The following SPMAP2L variants were observed in gnomAD, a reference collection of about 807,000 sequenced individuals.
SPMAP2L encodes the protein sperm microtubule associated protein 2 like.
At chr4:56,545,775 A>G in the SPMAP2L span, among the ~76,000 whole-genome samples, 2 of 151,518 alleles carry the variant, frequency 1.3e-5, no homozygotes, top group Admixed American at 1.3e-4. Flanking sequence ...TTCCTTAACA[A>G]TTACTTAAAC....
chr4:56,596,811 A>C, the SPMAP2L span, among the ~76,000 whole-genome samples: 5 of 151,986 alleles, frequency 3.3e-5, no homozygotes, highest in African/African-American at 1.2e-4. Context: ...AGAACACCAA[A>C]AGCATGGGCT....
At chr4:56,559,617 G>A in the SPMAP2L span, 1 of 1,250,054 alleles carries the variant, frequency 8.0e-7, no homozygotes, top group Non-Finnish European at 1.0e-6. Flanking sequence ...ACCTAGGCTG[G>A]AGTGCAATGG....
the SPMAP2L span, chr4:56,594,573 G>A: frequency 6.2e-7 from 1 of 1,601,290 alleles, no homozygotes; most frequent in Middle Eastern, 1.7e-4. Context: ...AAAGGAGAGG[G>A]GCACAGAACG....
chr4:56,530,926 G>A, the SPMAP2L span: 2 of 1,535,164 alleles, frequency 1.3e-6, no homozygotes, highest in East Asian at 2.4e-5. Context: ...TGAGTCCTAT[G>A]AGCCCCACGC....
At chr4:56,559,367 A>G in the SPMAP2L span, 3 of 1,396,726 alleles carry the variant, frequency 2.1e-6, no homozygotes, top group Admixed American at 3.1e-5. Flanking sequence ...TTTTTTTACC[A>G]TTTTATCTGT....
chr4:56,537,714 C>CA, the SPMAP2L span, among the ~76,000 whole-genome samples: 1 of 150,146 alleles, frequency 6.7e-6, no homozygotes, highest in African/African-American at 2.5e-5. Context: ...TTTTTTGAGA[C>CA]GAGTCTCGCT....
At chr4:56,589,076 C>T in the SPMAP2L span, among the ~76,000 whole-genome samples, 1 of 152,076 alleles carries the variant, frequency 6.6e-6, no homozygotes, top group African/African-American at 2.4e-5. Context: ...GCAATCTCCG[C>T]CTCCCAGGTT....
chr4:56,596,657 T>C, the SPMAP2L span: 3 of 1,487,352 alleles, frequency 2.0e-6, no homozygotes, highest in Non-Finnish European at 2.7e-6. Flanking sequence ...CTTGGTATCC[T>C]TCAGCTCACT....
the SPMAP2L span, among the ~76,000 whole-genome samples, chr4:56,578,251 G>A: frequency 6.6e-6 from 1 of 152,220 alleles, no homozygotes; most frequent in Non-Finnish European, 1.5e-5. Flanking sequence ...CTATATAGGA[G>A]CAAAGTTATT....
At chr4:56,593,378 T>G in the SPMAP2L span, 13 of 1,266,008 alleles carry the variant, frequency 1.0e-5, no homozygotes, top group Admixed American at 2.2e-4. Context: ...TATACTGGAG[T>G]CCTCATTGAG....
chr4:56,567,287 G>T, the SPMAP2L span, among the ~76,000 whole-genome samples: 1 of 150,352 alleles, frequency 6.7e-6, no homozygotes, highest in African/African-American at 2.5e-5. Context: ...TTTTAATTAA[G>T]ATGGAGTGTC....
chr4:56,574,006 G>A, the SPMAP2L span, among the ~76,000 whole-genome samples: 1 of 152,192 alleles, frequency 6.6e-6, no homozygotes, highest in Non-Finnish European at 1.5e-5. Flanking sequence ...CCTTATAATA[G>A]AAGCAAAAGT....
the SPMAP2L span, among the ~76,000 whole-genome samples, chr4:56,615,780 CAAAAT>C: frequency 5.3e-4 from 78 of 146,030 alleles, no homozygotes; most frequent in African/African-American, 2.0e-3. Flanking sequence ...AACAAACAAA[CAAAAT>C]AAATACTTAA....
At chr4:56,607,995 G>GAAA in the SPMAP2L span, among the ~76,000 whole-genome samples, 191 of 72,224 alleles carry the variant, frequency 2.6e-3, no homozygotes, top group African/African-American at 3.9e-3. Context: ...CCTGTCTCAA[G>GAAA]AAAAAAAAAA....
the SPMAP2L span, among the ~76,000 whole-genome samples, chr4:56,550,633 A>C: frequency 9.2e-5 from 14 of 152,254 alleles, no homozygotes; most frequent in South Asian, 4.2e-4. Context: ...GTGTCCCATA[A>C]ATTTTTATAC....
At chr4:56,603,316 C>A in the SPMAP2L span, 2 of 1,532,060 alleles carry the variant, frequency 1.3e-6, no homozygotes, top group African/African-American at 2.7e-5. Context: ...CAACCTCTTA[C>A]ACGTTAAATA....
chr4:56,558,249 G>A, the SPMAP2L span, among the ~76,000 whole-genome samples: 1 of 152,144 alleles, frequency 6.6e-6, no homozygotes, highest in Non-Finnish European at 1.5e-5. Context: ...GGGATTACAG[G>A]CATGAGCCAC....
At chr4:56,557,068 G>C in the SPMAP2L span, among the ~76,000 whole-genome samples, 12 of 151,378 alleles carry the variant, frequency 7.9e-5, no homozygotes, top group East Asian at 5.9e-4. Context: ...GGCCAACGTA[G>C]TGAAACCCCG....
the SPMAP2L span, among the ~76,000 whole-genome samples, chr4:56,566,933 G>A: frequency 6.6e-6 from 1 of 151,718 alleles, no homozygotes; most frequent in Non-Finnish European, 1.5e-5. Context: ...CCAACCTCGT[G>A]ATCCGCCCAC....
Sources: gnomAD v4.1 joint callset for allele counts (sites outside exome capture counted in the v4.1 genomes callset) on GRCh38, gnomAD v4.1.1 for gene constraint, MANE v1.5 for transcripts, NCBI Gene and HGNC (gene_info 2026-07-23, HGNC 2026-07-21) for gene names.